COLGALT2: variants seen among roughly 807,000 people sequenced by gnomAD.
The protein encoded by COLGALT2 is collagen beta(1-O)galactosyltransferase 2, also known as procollagen galactosyltransferase 2.
A neutral mutation model predicts 73.4 loss-of-function variants in COLGALT2; 49 were observed. The observed-to-expected ratio is 0.67, with a 90% confidence interval of 0.53 to 0.85. COLGALT2 has a LOEUF of 0.85. COLGALT2 is among the 40% of genes least tolerant of loss of function. The pLI is 0.00. For synonymous variants in COLGALT2, 295 were observed against 307.6 expected, an observed-to-expected ratio of 0.96 and a Z score of 0.43; for missense variants, 722 against 790.2, an observed-to-expected ratio of 0.91 and a Z score of 1.03.
intron 1 of COLGALT2, among the ~76,000 whole-genome samples, chr1:184,009,563 T>C (rs1192283668): frequency 6.6e-6 from 1 of 152,208 alleles, no homozygotes; most frequent in Non-Finnish European, 1.5e-5. Context: ...CCTTACTTCC[T>C]CTAAACCTCA....
In COLGALT2 at chr1:183,936,265, CA is replaced by C. The variant is rs1042649227; in HGVS notation, c.*2495del. ...TTAGGACTATAAGGGAGAGATAGGA[CA>C]AATAATGAGGTCAAGGAACCTCTGG... On this transcript the variant is annotated 3_prime_UTR_variant, in exon 12 of 12. Transcript: ENST00000361927. The C allele has an allele frequency of 1.0e-6, 1 of 985,556 alleles. No individual in the cohort carries two copies. Among genetic ancestry groups the C allele is most frequent in the South Asian group, 4.7e-5 (1 of 21,270 alleles). 61.1% of individuals were successfully genotyped at this position (985,556 alleles called of 1,614,324 possible).
chr1:183,939,565 T>A (rs1014553807), intron 11 of COLGALT2, among the ~76,000 whole-genome samples: 2 of 152,168 alleles, frequency 1.3e-5, no homozygotes, highest in African/African-American at 4.8e-5. Flanking sequence ...TGAGGTGACA[T>A]CTGAATGTAG....
chr1:184,007,042 G>T (rs1428857709), intron 1 of COLGALT2, among the ~76,000 whole-genome samples: 1 of 152,216 alleles, frequency 6.6e-6, no homozygotes, highest in Non-Finnish European at 1.5e-5. Context: ...AGGAAGCAGT[G>T]TTAGCCATGG....
intron 4 of COLGALT2, among the ~76,000 whole-genome samples, chr1:183,972,793 A>G (rs1572648314): frequency 6.6e-6 from 1 of 151,568 alleles, no homozygotes; most frequent in Non-Finnish European, 1.5e-5. Context: ...TCCGCCTCCC[A>G]AGTTCACGCC....
At position 183,945,453 on chromosome 1, in the gene COLGALT2, G is replaced by T; in HGVS notation, c.1248C>A (p.Ser416Arg). 3 of 1,614,170 alleles carry T rather than the reference G, an allele frequency of 1.9e-6. No individual in the cohort carries two copies. The highest frequency in any genetic ancestry group is 2.5e-6 in the Non-Finnish European group (3 of 1,180,030). The change falls in exon 9 of 12, where the codon AGC (serine) becomes AGA (arginine). Residue 416 changes from serine (S) to arginine (R), a missense_variant. Coordinates refer to ENST00000361927, the MANE Select transcript of COLGALT2 (RefSeq NM_015101.4). ...LTRGEIGCFL[S>R]HYSVWKEVID... ...TTACCTCTTTCCAGACTGAGTAGTG[G>T]CTGAGAAAGCAGCCGATTTCACCCC...
At chr1:184,020,268 CAA>C (rs1649133681) in intron 1 of COLGALT2, among the ~76,000 whole-genome samples, 1 of 152,052 alleles carries the variant, frequency 6.6e-6, no homozygotes, top group South Asian at 2.1e-4. Context: ...ATATAATAAA[CAA>C]GAGTTAACAG....
intron 1 of COLGALT2, among the ~76,000 whole-genome samples, chr1:184,005,420 G>A (rs12064779): frequency 0.063 from 9,602 of 152,210 alleles, 782 homozygotes; most frequent in East Asian, 0.43. Flanking sequence ...CAGAAGGATG[G>A]GGAGTGGGGA....
chr1:183,986,785 A>G (rs1052917907), intron 1 of COLGALT2, among the ~76,000 whole-genome samples: 1 of 152,096 alleles, frequency 6.6e-6, no homozygotes, highest in African/African-American at 2.4e-5. Flanking sequence ...TTCCCCTGTT[A>G]TAGAAAAGAA....
intron 1 of COLGALT2, among the ~76,000 whole-genome samples, chr1:184,008,500 C>T (rs554194011): frequency 1.4e-4 from 22 of 152,158 alleles, no homozygotes; most frequent in African/African-American, 4.8e-4. Context: ...GAGGTTGAGG[C>T]GGGAGGATCA....
chr1:183,940,657 G>C lies in COLGALT2; in HGVS notation c.1528C>G (p.Leu510Val). ...TTCCCAAAAGGATTGGCTCCAACCA[G>C]CTTCTGTGCTCCTTCCAGAGAGATG... ...YVISLEGAQKLVGANPFGKML... is the reference protein window; with the variant it reads ...YVISLEGAQKVVGANPFGKML... The change falls in exon 11 of 12, where the codon CTG (leucine) becomes GTG (valine). Residue 510 changes from leucine (L) to valine (V), a missense_variant. By Grantham distance (32) the Leu-to-Val change is conservative. Transcript: ENST00000361927. The C allele has an allele frequency of 1.9e-6, 3 of 1,614,206 alleles. No individual in the cohort carries two copies. Among genetic ancestry groups the C allele is most frequent in the Non-Finnish European group, 2.5e-6 (3 of 1,180,038 alleles).
At chr1:184,016,852 T>C (rs1211032426) in intron 1 of COLGALT2, among the ~76,000 whole-genome samples, 6 of 152,224 alleles carry the variant, frequency 3.9e-5, no homozygotes, top group African/African-American at 1.4e-4. Flanking sequence ...TTTACTTCCT[T>C]ATATTGTTGT....
intron 9 of COLGALT2, 65 bp downstream of exon 9, chr1:183,945,367 C>G: frequency 6.4e-7 from 1 of 1,572,438 alleles, no homozygotes; most frequent in Non-Finnish European, 8.6e-7. Context: ...CCCTAACTCA[C>G]CTACGATAGC....
intron 1 of COLGALT2, among the ~76,000 whole-genome samples, chr1:183,992,566 ATGAT>A (rs1283268194): frequency 2.0e-5 from 3 of 152,200 alleles, no homozygotes; most frequent in African/African-American, 7.2e-5. Flanking sequence ...GCACCTAATG[ATGAT>A]TGATTGACTG....
chr1:184,020,162 T>C (rs1649130375), intron 1 of COLGALT2, among the ~76,000 whole-genome samples: 2 of 152,186 alleles, frequency 1.3e-5, no homozygotes, highest in African/African-American at 4.8e-5. Context: ...CTATTAGTAA[T>C]GACACTGCCA....
intron 2 of COLGALT2, among the ~76,000 whole-genome samples, chr1:183,977,690 G>A (rs2102819318): frequency 6.6e-6 from 1 of 152,026 alleles, no homozygotes; most frequent in African/African-American, 2.4e-5. Flanking sequence ...TCAGGAGGTT[G>A]AGTGAGGAGT....
chr1:184,028,706 T>C (rs773649067), intron 1 of COLGALT2, among the ~76,000 whole-genome samples: 14 of 152,216 alleles, frequency 9.2e-5, no homozygotes, highest in Admixed American at 4.6e-4. Flanking sequence ...ACTCATCTTC[T>C]ACCATACTCT....
intron 1 of COLGALT2, among the ~76,000 whole-genome samples, chr1:184,008,583 A>T (rs1672144566): frequency 6.6e-6 from 1 of 152,100 alleles, no homozygotes; most frequent in East Asian, 1.9e-4. Flanking sequence ...TCTTTAAATT[A>T]GCCAGGCTTG....
chr1:184,014,244 T>G (rs1347874429), intron 1 of COLGALT2, among the ~76,000 whole-genome samples: 2 of 152,096 alleles, frequency 1.3e-5, no homozygotes, highest in Non-Finnish European at 2.9e-5. Context: ...AAGAAACATG[T>G]ATTGAGAAAT....
At chr1:183,942,667 CTTTT>C (rs1414499292) in intron 10 of COLGALT2, among the ~76,000 whole-genome samples, 1 of 152,076 alleles carries the variant, frequency 6.6e-6, no homozygotes, top group Non-Finnish European at 1.5e-5. Context: ...ACATTTGTTT[CTTTT>C]TTGTTTTAGA....
Sources: gnomAD v4.1 joint callset for allele counts (sites outside exome capture counted in the v4.1 genomes callset) on GRCh38, gnomAD v4.1.1 for gene constraint, MANE v1.5 for transcripts, NCBI Gene and HGNC (gene_info 2026-07-23, HGNC 2026-07-21) for gene names.